The following EFCAB6 variants were observed in gnomAD, a reference collection of about 807,000 sequenced individuals.
EFCAB6 encodes EF-hand calcium binding domain 6.
In EFCAB6, 156 loss-of-function variants were observed where a neutral mutation model predicts 169.8. The observed-to-expected ratio is 0.92, with a 90% CI of 0.81 to 1.05. EFCAB6 has a LOEUF of 1.05. EFCAB6 is among the 50% of genes least tolerant of loss of function. The pLI, the probability that EFCAB6 is intolerant of heterozygous loss-of-function variation, is 0.00. For missense variants in EFCAB6, 1,800 were observed against 1,829.1 expected (o/e 0.98, Z 0.29); for synonymous variants, 698 against 676.4 (o/e 1.03, Z -0.50).
At position 43,633,764 on chromosome 22, in the gene EFCAB6, G is replaced by A. The variant is rs112683188; in HGVS notation, c.2098+1338C>T. On this transcript the variant is annotated intron_variant, in intron 18 of 31. Coordinates refer to ENST00000262726, the MANE Select transcript of EFCAB6 (RefSeq NM_022785.4). The stretch of plus-strand genomic sequence containing the variant: ...ATGGGGGACAGGGCGCCCCAAGCTC[G>A]TGGGCATCCTCTGCCCCTCTTGAGC... Among the ~76,000 whole-genome samples the A allele has an allele frequency of 6.1e-3, 922 of 152,252 alleles. 6 individuals are homozygous for A. The highest frequency in any genetic ancestry group is 9.8e-3 in the Admixed American group (150 of 15,298).
chr22:43,530,311 G>A (rs561852201), intron 31 of EFCAB6, among the ~76,000 whole-genome samples: 32 of 152,344 alleles, frequency 2.1e-4, no homozygotes, highest in South Asian at 1.5e-3. Context: ...AAACCACTGC[G>A]GGGTGTTTGT....
intron 10 of EFCAB6, among the ~76,000 whole-genome samples, chr22:43,702,974 A>G (rs1188972758): frequency 2.0e-5 from 3 of 152,172 alleles, no homozygotes; most frequent in Non-Finnish European, 4.4e-5. Flanking sequence ...CCCAGCCTCA[A>G]AGCCCACCCC....
At chr22:43,596,349 T>C (rs563026187) in intron 23 of EFCAB6, among the ~76,000 whole-genome samples, 1 of 152,102 alleles carries the variant, frequency 6.6e-6, no homozygotes, top group African/African-American at 2.4e-5. Context: ...AAAAAAAACC[T>C]AAAGACTCCA....
chr22:43,623,864 C>CTG (rs2054296571), intron 20 of EFCAB6, among the ~76,000 whole-genome samples: 1 of 147,458 alleles, frequency 6.8e-6, no homozygotes, highest in Non-Finnish European at 1.5e-5. Context: ...AGCCGAGATT[C>CTG]CGCCACTGTA....
At position 43,772,004 on chromosome 22, in the gene EFCAB6, G is replaced by A. The variant is rs140275542; in HGVS notation, c.351+888C>T. On this transcript the variant is annotated intron_variant, in intron 4 of 31. Coordinates refer to ENST00000262726, the MANE Select transcript of EFCAB6 (RefSeq NM_022785.4). ...TGACCTTTCCTTCCCCTCTCATCTC[G>A]AGAATACTCACTCCTTCGTCAAAAC... is the stretch of plus-strand genomic sequence containing the variant. 5.9e-4 allele frequency among the ~76,000 whole-genome samples: 89 copies of A among 152,100 alleles called. 2 individuals carry two copies. In the East Asian group the frequency reaches 0.016, roughly 28 times the overall value.
intron 17 of EFCAB6, among the ~76,000 whole-genome samples, chr22:43,660,576 T>TA (rs2056954950): frequency 6.6e-6 from 1 of 151,522 alleles, no homozygotes; most frequent in East Asian, 1.9e-4. Context: ...TATATATATA[T>TA]TTTTTCCAAC....
rs80142914 is a variant in EFCAB6, at chr22:43,568,875, G to A, written c.3420+7422C>T. ...CTTCCAACTTCACCAACAGGTTCAT[G>A]ATAGCCTTGTCTTCTGCCTGACACA... On this transcript the variant is annotated intron_variant, in intron 26 of 31. Coordinates refer to ENST00000262726, the MANE Select transcript of EFCAB6 (RefSeq NM_022785.4). Among the ~76,000 whole-genome samples the A allele has an allele frequency of 2.1e-3, 314 of 152,282 alleles. 1 individual carries two copies. Among genetic ancestry groups the A allele is most frequent in the African/African-American group, 7.4e-3 (307 of 41,566 alleles).
chr22:43,772,982 G>A lies in EFCAB6; in HGVS notation c.261C>T (p.Asn87=). 1 of 1,614,226 alleles carries A rather than the reference G, an allele frequency of 6.2e-7. No individual in the cohort carries two copies. The highest frequency in any genetic ancestry group is 8.5e-7 in the Non-Finnish European group (1 of 1,180,040). ...KAFQLLDTGQ[N]LTVSKSELRR... ...TCAGTTCACTTTTTGACACAGTCAA[G>A]TTCTGACCAGTATCCAGCAGCTGAA... Residue 87 remains asparagine (N), a synonymous_variant, in exon 4 of 32, where the codon AAC becomes AAT. Transcript: ENST00000262726.
chr22:43,543,106 C>T (rs553173122), intron 27 of EFCAB6, among the ~76,000 whole-genome samples: 1 of 152,160 alleles, frequency 6.6e-6, no homozygotes, highest in Non-Finnish European at 1.5e-5. Flanking sequence ...AGCCCATGAG[C>T]GCGGGGTCAC....
At chr22:43,757,024 C>T (rs900115519) in intron 5 of EFCAB6, among the ~76,000 whole-genome samples, 3 of 152,068 alleles carry the variant, frequency 2.0e-5, no homozygotes, top group Non-Finnish European at 2.9e-5. Flanking sequence ...AGTCTGTGGG[C>T]CATGATAAGG....
chr22:43,540,793 G>A (rs897871403), intron 27 of EFCAB6, among the ~76,000 whole-genome samples: 6 of 152,132 alleles, frequency 3.9e-5, no homozygotes, highest in Non-Finnish European at 5.9e-5. Flanking sequence ...AGCTCACCAG[G>A]TGACGCAGCC....
chr22:43,658,383 G>C (rs2056848953), intron 17 of EFCAB6, among the ~76,000 whole-genome samples: 1 of 152,198 alleles, frequency 6.6e-6, no homozygotes, highest in African/African-American at 2.4e-5. Flanking sequence ...ACATTAAACA[G>C]AGAAATTGGG....
chr22:43,688,310 C>T (rs939230648), intron 10 of EFCAB6, among the ~76,000 whole-genome samples: 1 of 152,218 alleles, frequency 6.6e-6, no homozygotes, highest in Non-Finnish European at 1.5e-5. Flanking sequence ...GGGCTTCTAA[C>T]CTACCAAACA....
At chr22:43,602,265 C>T (rs1392921736) in intron 22 of EFCAB6, among the ~76,000 whole-genome samples, 1 of 152,220 alleles carries the variant, frequency 6.6e-6, no homozygotes, top group Non-Finnish European at 1.5e-5. Flanking sequence ...CAGAAAAGTA[C>T]ACTTCCACCT....
At chr22:43,605,165 G>A (rs953280353) in intron 22 of EFCAB6, among the ~76,000 whole-genome samples, 3 of 152,230 alleles carry the variant, frequency 2.0e-5, no homozygotes. Flanking sequence ...GACACTGAGA[G>A]AAATCGGATG....
chr22:43,631,693 C>T (rs944513299), intron 19 of EFCAB6, among the ~76,000 whole-genome samples: 15 of 152,060 alleles, frequency 9.9e-5, no homozygotes, highest in African/African-American at 3.6e-4. Flanking sequence ...TGGGGTGGGG[C>T]TGGTAGCTTT....
intron 10 of EFCAB6, 94 bp downstream of exon 10, chr22:43,711,381 T>G (rs1224819360): frequency 5.4e-6 from 7 of 1,302,654 alleles, no homozygotes; most frequent in Non-Finnish European, 7.1e-6. Flanking sequence ...TAATAAAAAG[T>G]CTAAAACATT....
chr22:43,554,795 G>A, intron 27 of EFCAB6, 74 bp downstream of exon 27: 3 of 1,303,264 alleles, frequency 2.3e-6, no homozygotes, highest in East Asian at 2.3e-5. Flanking sequence ...CTTAAACTCT[G>A]TACATTCTGG....
At chr22:43,672,163 A>T (rs1344089626) in intron 14 of EFCAB6, 30 bp from the exon 15 acceptor site, 1 of 1,613,238 alleles carries the variant, frequency 6.2e-7, no homozygotes, top group East Asian at 2.2e-5. Context: ...ATATTTCCTA[A>T]GCCATACATC....
Sources: gnomAD v4.1 joint callset for allele counts (sites outside exome capture counted in the v4.1 genomes callset) on GRCh38, gnomAD v4.1.1 for gene constraint, MANE v1.5 for transcripts, NCBI Gene and HGNC (gene_info 2026-07-23, HGNC 2026-07-21) for gene names.